TTC23: variants seen among roughly 807,000 people sequenced by gnomAD.
TTC23 encodes tetratricopeptide repeat domain 23.
TTC23 carries 58 observed loss-of-function variants against 55.1 expected under a neutral mutation model. That is an observed-to-expected ratio of 1.05 (90% CI 0.85 to 1.31). The LOEUF is 1.31. Ranked by LOEUF, TTC23 falls within the 50% of genes most tolerant of loss-of-function variation. The probability of loss-of-function intolerance (pLI) is 0.00; values close to 1 mark genes in which losing one functional copy is unlikely to be tolerated. For synonymous variants in TTC23, 203 were observed against 199.9 expected (o/e 1.02, Z -0.13); for missense variants, 516 against 534.4 (o/e 0.97, Z 0.34).
intron 10 of TTC23, among the ~76,000 whole-genome samples, chr15:99,170,071 T>C (rs2072704615): frequency 1.3e-5 from 2 of 152,206 alleles, no homozygotes; most frequent in African/African-American, 2.4e-5. Flanking sequence ...CCTGAACACT[T>C]AGCAGGGCTG....
intron 8 of TTC23, among the ~76,000 whole-genome samples, chr15:99,216,989 T>C (rs572158247): frequency 5.3e-5 from 8 of 152,162 alleles, no homozygotes; most frequent in Non-Finnish European, 1.2e-4. Context: ...TGAATGTCTA[T>C]TGTTAGGAGG....
intron 1 of TTC23, chr15:99,248,261 C>G (rs4965224): frequency 0.81 from 122,611 of 152,162 alleles, 49,742 homozygotes; most frequent in African/African-American, 0.91. Flanking sequence ...ATCTTAAATT[C>G]CACTGTCAGT....
chr15:99,170,489 C>T (rs1349668085), intron 10 of TTC23, among the ~76,000 whole-genome samples: 1 of 152,162 alleles, frequency 6.6e-6, no homozygotes, highest in Non-Finnish European at 1.5e-5. Flanking sequence ...AGCTAAGATT[C>T]CCCCTTGGTG....
chr15:99,228,716 T>G lies in TTC23; in HGVS notation c.-4A>C. 1 of 1,578,994 alleles carries G rather than the reference T, an allele frequency of 6.3e-7. No homozygotes were observed. Among genetic ancestry groups the G allele is most frequent in the Non-Finnish European group, 8.6e-7 (1 of 1,162,574 alleles). On this transcript the variant is annotated 5_prime_UTR_variant, in exon 5 of 14. Coordinates refer to ENST00000394132, the MANE Select transcript of TTC23 (RefSeq NM_001288615.3). ...GGGTTTCCTGTGATTCTTGCATATT[T>G]TTATATACATTGTCTTCTAATTTTA... is the stretch of plus-strand genomic sequence containing the variant.
chr15:99,224,880 A>G (rs1173030086), intron 5 of TTC23, among the ~76,000 whole-genome samples: 1 of 152,194 alleles, frequency 6.6e-6, no homozygotes, highest in Non-Finnish European at 1.5e-5. Context: ...GATGAGGCTG[A>G]GCATCTTCAT....
intron 12 of TTC23, 129 bp from the exon 13 acceptor site, chr15:99,139,528 C>T (rs2067974612): frequency 6.4e-7 from 1 of 1,551,236 alleles, no homozygotes; most frequent in Admixed American, 2.0e-5. Context: ...TAGCATGCTC[C>T]TGGGATGTCT....
chr15:99,143,011 A>G (rs1294825724), intron 12 of TTC23, among the ~76,000 whole-genome samples: 3 of 150,478 alleles, frequency 2.0e-5, no homozygotes, highest in African/African-American at 7.5e-5. Context: ...TATCCTTACT[A>G]AGGAGATTTG....
At chr15:99,151,611 C>T (rs905412475) in intron 12 of TTC23, among the ~76,000 whole-genome samples, 1 of 152,224 alleles carries the variant, frequency 6.6e-6, no homozygotes, top group Non-Finnish European at 1.5e-5. Flanking sequence ...TTGGAAACCA[C>T]AAGACAATAG....
chr15:99,167,895 G>A (rs147711798), intron 10 of TTC23, among the ~76,000 whole-genome samples: 1,830 of 152,312 alleles, frequency 0.012, 64 homozygotes, highest in Non-Finnish European at 9.5e-3. Flanking sequence ...ACCCCAGGGA[G>A]TTTAAAAATG....
chr15:99,156,943 C>A (rs1365947438), intron 11 of TTC23, among the ~76,000 whole-genome samples: 1 of 152,160 alleles, frequency 6.6e-6, no homozygotes, highest in African/African-American at 2.4e-5. Flanking sequence ...TCACATGTCA[C>A]TAATTGTGCT....
chr15:99,223,759 C>T lies in TTC23; in HGVS notation c.181-1895G>A, dbSNP rs77794705. On this transcript the variant is annotated intron_variant, in intron 5 of 13. Coordinates refer to ENST00000394132, the MANE Select transcript of TTC23 (RefSeq NM_001288615.3). Reference sequence around the variant, plus strand: ...CCCTTCAAGACCAGCTGATGCTGTGCGGAGCAAAGCTGAGCAAACCCCACT... The same window carrying T: ...CCCTTCAAGACCAGCTGATGCTGTGTGGAGCAAAGCTGAGCAAACCCCACT... 6.8e-3 allele frequency among the ~76,000 whole-genome samples: 1,039 copies of T among 152,294 alleles called. 15 individuals are homozygous for T. Among genetic ancestry groups the T allele is most frequent in the African/African-American group, 0.024 (979 of 41,556 alleles).
chr15:99,203,999 G>A (rs1224199453), intron 8 of TTC23, among the ~76,000 whole-genome samples: 3 of 152,002 alleles, frequency 2.0e-5, no homozygotes, highest in African/African-American at 7.3e-5. Context: ...CCTTTTTGGG[G>A]GGTATATACT....
intron 10 of TTC23, among the ~76,000 whole-genome samples, chr15:99,166,270 C>G (rs1002373136): frequency 6.6e-6 from 1 of 152,212 alleles, no homozygotes; most frequent in Admixed American, 6.5e-5. Context: ...GTTCTCCCAC[C>G]TCCCAGGATT....
At position 99,137,940 on chromosome 15, in the gene TTC23, G is replaced by A. The variant is rs260089; in HGVS notation, c.*70C>T. 0.14 allele frequency: 228,990 copies of A among 1,582,498 alleles called. 17,006 individuals are homozygous for A. Among genetic ancestry groups the A allele is most frequent in the Admixed American group, 0.18 (10,473 of 57,632 alleles). On this transcript the variant is annotated 3_prime_UTR_variant, in exon 14 of 14. Coordinates refer to ENST00000394132, the MANE Select transcript of TTC23 (RefSeq NM_001288615.3). ...GACTGTTGAATTCCATTTTCTAGGC[G>A]GAGGTGATTTGTACAGCACCCTAAA... is the stretch of plus-strand genomic sequence containing the variant.
chr15:99,175,908 C>T (rs1215958999), intron 9 of TTC23, among the ~76,000 whole-genome samples: 1 of 152,086 alleles, frequency 6.6e-6, no homozygotes, highest in African/African-American at 2.4e-5. Flanking sequence ...GGCACGAGAA[C>T]AGCTTGAACC....
intron 12 of TTC23, among the ~76,000 whole-genome samples, chr15:99,151,544 A>G (rs1480276469): frequency 3.9e-5 from 6 of 152,222 alleles, no homozygotes; most frequent in African/African-American, 1.4e-4. Context: ...CTGGCATGAG[A>G]GTCTAGCTGA....
chr15:99,188,362 T>C (rs1596502408), intron 9 of TTC23, among the ~76,000 whole-genome samples: 1 of 152,046 alleles, frequency 6.6e-6, no homozygotes, highest in South Asian at 2.1e-4. Context: ...TGACTGCCAA[T>C]GGGTATGGAA....
intron 10 of TTC23, among the ~76,000 whole-genome samples, chr15:99,165,794 T>C (rs1596350287): frequency 6.6e-6 from 1 of 152,190 alleles, no homozygotes; most frequent in East Asian, 1.9e-4. Context: ...TTGGCTACTT[T>C]GATAATCTAA....
At chr15:99,140,939 C>T (rs2068159684) in intron 12 of TTC23, 1 of 152,062 alleles carries the variant, frequency 6.6e-6, no homozygotes. Context: ...TAGAATAACA[C>T]TCAAAAGATA....
Sources: gnomAD v4.1 joint callset for allele counts (sites outside exome capture counted in the v4.1 genomes callset) on GRCh38, gnomAD v4.1.1 for gene constraint, MANE v1.5 for transcripts, NCBI Gene and HGNC (gene_info 2026-07-23, HGNC 2026-07-21) for gene names.